Variants in ARHGEF4 observed in about 807,000 individuals in gnomAD.
ARHGEF4 encodes APC-stimulated guanine nucleotide exchange factor 1.
Under a neutral mutation model 162.0 loss-of-function variants are expected in ARHGEF4, and 119 were observed. The observed-to-expected ratio is 0.73, with a 90% CI of 0.63 to 0.86. The LOEUF is 0.86. Ranked by LOEUF, ARHGEF4 falls within the 40% of genes least tolerant of loss-of-function variation. The probability of loss-of-function intolerance (pLI) is 0.00; values close to 1 mark genes in which losing one functional copy is unlikely to be tolerated. For missense variants in ARHGEF4, 2,488 were observed against 2,456.0 expected, an observed-to-expected ratio of 1.01 and a Z score of -0.28; for synonymous variants, 1,014 against 979.9, an observed-to-expected ratio of 1.03 and a Z score of -0.65.
chr2:130,979,734 TAAAAAAA>T (rs776769283), intron 4 of ARHGEF4, among the ~76,000 whole-genome samples: 1 of 92,718 alleles, frequency 1.1e-5, no homozygotes, highest in African/African-American at 4.0e-5. Flanking sequence ...AGACTCCATC[TAAAAAAA>T]AAAAAAAAAA....
chr2:130,984,053 A>G (rs545740509), intron 4 of ARHGEF4, among the ~76,000 whole-genome samples: 3 of 152,360 alleles, frequency 2.0e-5, no homozygotes, highest in African/African-American at 7.2e-5. Context: ...CAAAGATCCA[A>G]TAGCTTTTAC....
intron 1 of ARHGEF4, among the ~76,000 whole-genome samples, chr2:130,912,040 T>C (rs1362018739): frequency 6.6e-6 from 1 of 152,172 alleles, no homozygotes; most frequent in Non-Finnish European, 1.5e-5. Context: ...GACGGGTTGG[T>C]GAGATGAGGG....
chr2:130,963,592 C>CG (rs111780718), intron 4 of ARHGEF4: 149,030 of 149,032 alleles, frequency 1, 74,514 homozygotes, highest in Middle Eastern at 1. Flanking sequence ...CGCGGCCCTG[C>CG]GGCACCGAGG....
Position 131,043,503 on chromosome 2 carries a change from ACTCGAGTTACACAGC to A in ARHGEF4, c.5081_5095del (p.Arg1694_Pro1698del). The A allele has an allele frequency of 6.2e-7, 1 of 1,613,936 alleles. No individual in the cohort carries two copies. The highest frequency in any genetic ancestry group is 8.5e-7 in the Non-Finnish European group (1 of 1,179,976). ...AGAACTCATCTACTCGGGGGAGCTG[ACTCGAGTTACACAGC>A]CTCAAGCCAAAAGCCAGCAGCGAAT... On this transcript the variant is annotated inframe_deletion, in exon 11 of 14. Coordinates refer to ENST00000409359, the MANE Select transcript of ARHGEF4 (RefSeq NM_001367493.1).
At chr2:131,040,564 C>G (rs1690728012) in intron 8 of ARHGEF4, 124 bp downstream of exon 8, 4 of 1,104,942 alleles carry the variant, frequency 3.6e-6, no homozygotes, top group Non-Finnish European at 5.0e-6. Context: ...CAGCTCCAGC[C>G]CTCTATCTGC....
chr2:130,940,743 A>T (rs1574268854), intron 3 of ARHGEF4, among the ~76,000 whole-genome samples: 1 of 149,608 alleles, frequency 6.7e-6, no homozygotes, highest in East Asian at 2.0e-4. Context: ...GAGGCAGGAG[A>T]ATGGCATGAA....
At chr2:131,008,747 T>A (rs1558844669) in intron 4 of ARHGEF4, among the ~76,000 whole-genome samples, 1 of 152,180 alleles carries the variant, frequency 6.6e-6, no homozygotes, top group East Asian at 1.9e-4. Context: ...TATATATATA[T>A]CTTTTCATAG....
intron 4 of ARHGEF4, among the ~76,000 whole-genome samples, chr2:131,023,823 C>T (rs991893029): frequency 1.3e-5 from 2 of 152,206 alleles, no homozygotes; most frequent in Non-Finnish European, 2.9e-5. Context: ...ATCATAGCAG[C>T]TGTATTCATA....
chr2:130,840,222 A>G (rs964687250), intron 1 of ARHGEF4, among the ~76,000 whole-genome samples: 8 of 142,068 alleles, frequency 5.6e-5, no homozygotes, highest in African/African-American at 2.0e-4. Flanking sequence ...ACACAGGTGC[A>G]CACACACACA....
rs760489024 is a variant in ARHGEF4 at position 130,915,729 on chromosome 2, T to A, written c.1783T>A (p.Ser595Thr). 7.7e-6 allele frequency: 12 copies of A among 1,548,744 alleles called. No individual in the cohort carries two copies. Among genetic ancestry groups the A allele is most frequent in the African/African-American group, 1.4e-5 (1 of 73,072 alleles). The change falls in exon 2 of 14, where the codon TCT (serine) becomes ACT (threonine). Residue 595 changes from serine (S) to threonine (T), a missense_variant. Ser to Thr is a moderately conservative substitution (Grantham distance 58). Coordinates refer to ENST00000409359, the MANE Select transcript of ARHGEF4 (RefSeq NM_001367493.1). ...GLSEFKAATV[S>T]HCGPGAEEGE... is the part of the protein sequence containing the mutation. The stretch of plus-strand genomic sequence containing the variant: ...TTCAGAATTCAAGGCAGCCACGGTG[T>A]CTCACTGCGGCCCCGGGGCTGAGGA...
chr2:130,914,911 C>A lies in ARHGEF4; in HGVS notation c.965C>A (p.Ala322Glu). 1 of 1,521,414 alleles carries A rather than the reference C, an allele frequency of 6.6e-7. No individual in the cohort carries two copies. Among genetic ancestry groups the A allele is most frequent in the Non-Finnish European group, 8.8e-7 (1 of 1,131,798 alleles). 94.2% of individuals were successfully genotyped at this position (1,521,414 alleles called of 1,614,324 possible). Residue 322 changes from alanine (A) to glutamate (E), a missense_variant, in exon 2 of 14, where the codon GCA becomes GAA. Physicochemically the swap from Ala to Glu is moderately radical, Grantham distance 107. This residue lies in a region of ARHGEF4 where 1,642 missense variants were observed against 1,481.5 expected (regional missense o/e 1.11). Coordinates refer to ENST00000409359, the MANE Select transcript of ARHGEF4 (RefSeq NM_001367493.1). ...GAAACTACTGGTGACAAGAACAGGGCATCCCCCAGACTCAACTGTGGGCAC... is the reference window on the plus strand; with the variant it reads ...GAAACTACTGGTGACAAGAACAGGGAATCCCCCAGACTCAACTGTGGGCAC... ...APETTGDKNR[A>E]SPRLNCGHMR...
intron 4 of ARHGEF4, among the ~76,000 whole-genome samples, chr2:131,017,459 GTAC>G (rs2105345682): frequency 6.6e-6 from 1 of 152,298 alleles, no homozygotes; most frequent in East Asian, 1.9e-4. Context: ...ATGAGTAAAA[GTAC>G]TGGGAGACTC....
intron 1 of ARHGEF4, among the ~76,000 whole-genome samples, chr2:130,906,267 G>T (rs1275029971): frequency 6.6e-6 from 1 of 152,170 alleles, no homozygotes; most frequent in Non-Finnish European, 1.5e-5. Context: ...TTTGAAGTGT[G>T]TTCATAGCCA....
intron 1 of ARHGEF4, among the ~76,000 whole-genome samples, chr2:130,866,440 G>A (rs1682285880): frequency 6.6e-6 from 1 of 152,182 alleles, no homozygotes; most frequent in Non-Finnish European, 1.5e-5. Flanking sequence ...CATGACCTTA[G>A]TCCTCTGGTG....
chr2:130,869,380 T>C (rs1678307271), intron 1 of ARHGEF4, among the ~76,000 whole-genome samples: 1 of 152,108 alleles, frequency 6.6e-6, no homozygotes, highest in African/African-American at 2.4e-5. Context: ...AGGGAGGAAG[T>C]CTCGCAGGGC....
chr2:130,878,619 T>G (rs1679010751), intron 1 of ARHGEF4, among the ~76,000 whole-genome samples: 1 of 152,186 alleles, frequency 6.6e-6, no homozygotes, highest in Non-Finnish European at 1.5e-5. Context: ...TGAGTAGGGA[T>G]GGAACCAGGC....
intron 5 of ARHGEF4, among the ~76,000 whole-genome samples, chr2:131,031,002 G>A (rs888001410): frequency 1.3e-5 from 2 of 152,244 alleles, no homozygotes; most frequent in African/African-American, 4.8e-5. Flanking sequence ...ATCTAGAGAT[G>A]AGCAAAGCAA....
At chr2:130,910,123 G>T (rs1681084045) in intron 1 of ARHGEF4, among the ~76,000 whole-genome samples, 1 of 152,042 alleles carries the variant, frequency 6.6e-6, no homozygotes, top group Admixed American at 6.5e-5. Context: ...GTTGATGGGT[G>T]CAGCAAACCA....
intron 1 of ARHGEF4, among the ~76,000 whole-genome samples, chr2:130,907,208 C>CT (rs70994720): frequency 0.047 from 4,128 of 87,280 alleles, 149 homozygotes; most frequent in African/African-American, 0.064. Flanking sequence ...TAGTTTGTCC[C>CT]TTTTTTTTTT....
Sources: gnomAD v4.1 joint callset for allele counts (sites outside exome capture counted in the v4.1 genomes callset) on GRCh38, gnomAD v4.1.1 for gene constraint, gnomAD v4.1.1 regional missense constraint, MANE v1.5 for transcripts, NCBI Gene and HGNC (gene_info 2026-07-23, HGNC 2026-07-21) for gene names.